OXCT1: variants seen among roughly 807,000 people sequenced by gnomAD.
OXCT1 encodes the protein succinyl-CoA:3-ketoacid coenzyme A transferase 1, mitochondrial.
In OXCT1, 27 loss-of-function variants were observed where a neutral mutation model predicts 69.6. The ratio of observed to expected loss-of-function variants is 0.39; its 90% CI spans 0.29 to 0.54. OXCT1 has a LOEUF of 0.54. OXCT1 is among the 20% of genes least tolerant of loss of function. The pLI is 0.72. For synonymous variants in OXCT1, 202 were observed against 217.8 expected (o/e 0.93, Z 0.64); for missense variants, 437 against 650.2 (o/e 0.67, Z 3.57).
At chr5:41,758,328 G>T (rs1365855327) in intron 14 of OXCT1, among the ~76,000 whole-genome samples, 1 of 152,100 alleles carries the variant, frequency 6.6e-6, no homozygotes, top group East Asian at 1.9e-4. Flanking sequence ...CAACCAGGTG[G>T]AGTTGTGTAA....
intron 7 of OXCT1, among the ~76,000 whole-genome samples, chr5:41,829,018 A>G (rs966936043): frequency 1.3e-5 from 2 of 151,574 alleles, no homozygotes; most frequent in African/African-American, 4.8e-5. Context: ...TATTACAGAG[A>G]AAAAAAAATG....
At chr5:41,770,864 A>G (rs1187301600) in intron 13 of OXCT1, among the ~76,000 whole-genome samples, 1 of 152,210 alleles carries the variant, frequency 6.6e-6, no homozygotes, top group Non-Finnish European at 1.5e-5. Context: ...TTCTGACTCC[A>G]GGCAGAATAT....
At position 41,862,804 on chromosome 5, in the gene OXCT1, T is replaced by C; in HGVS notation, c.79-54A>G. 2.9e-6 allele frequency: 3 copies of C among 1,038,090 alleles called. 1 individual carries two copies. In the South Asian group the frequency reaches 3.9e-5, roughly 13 times the overall value. 64.3% of individuals were successfully genotyped at this position (1,038,090 alleles called of 1,614,324 possible). On this transcript the variant is annotated intron_variant, in intron 1 of 16. Transcript: ENST00000196371. ...ATCATTTGGAGATACAGCTTTACTT[T>C]GTGTGTGTAGCAATTTATTCAATTG...
At chr5:41,817,091 T>A (rs968885350) in intron 7 of OXCT1, among the ~76,000 whole-genome samples, 5 of 152,244 alleles carry the variant, frequency 3.3e-5, no homozygotes, top group Middle Eastern at 3.4e-3. Context: ...CAACACCATA[T>A]TTGAAAACTT....
At chr5:41,862,802 T>A (rs1261349697) in intron 1 of OXCT1, 52 bp from the exon 2 acceptor site, 1 of 1,043,256 alleles carries the variant, frequency 9.6e-7, no homozygotes, top group East Asian at 2.4e-5. Flanking sequence ...ACAGCTTTAC[T>A]TTGTGTGTGT....
chr5:41,794,553 C>A (rs887766586), intron 12 of OXCT1, 124 bp downstream of exon 12: 10 of 861,116 alleles, frequency 1.2e-5, no homozygotes, highest in Non-Finnish European at 1.9e-5. Flanking sequence ...TGCAGCCGAA[C>A]AAACTCCTGA....
chr5:41,780,614 T>C (rs1442833005), intron 13 of OXCT1, among the ~76,000 whole-genome samples: 1 of 152,118 alleles, frequency 6.6e-6, no homozygotes, highest in Non-Finnish European at 1.5e-5. Context: ...TTATTATAGC[T>C]GATAAGAAAA....
At chr5:41,755,530 T>C (rs1409683210) in intron 14 of OXCT1, among the ~76,000 whole-genome samples, 8 of 152,142 alleles carry the variant, frequency 5.3e-5, no homozygotes, top group Non-Finnish European at 1.2e-4. Flanking sequence ...TACTTTTCAA[T>C]GTTGCTGAAA....
At chr5:41,786,387 TC>T (rs1490770390) in intron 13 of OXCT1, among the ~76,000 whole-genome samples, 1 of 152,156 alleles carries the variant, frequency 6.6e-6, no homozygotes, top group Non-Finnish European at 1.5e-5. Context: ...TGAATTTTGA[TC>T]CTGGTGGGTG....
intron 16 of OXCT1, among the ~76,000 whole-genome samples, chr5:41,735,126 A>G (rs991864788): frequency 2.0e-5 from 3 of 152,228 alleles, no homozygotes; most frequent in African/African-American, 4.8e-5. Flanking sequence ...GCAGAATGTC[A>G]AAGAGATATT....
At chr5:41,859,889 AATATAT>A (rs113518106) in intron 3 of OXCT1, among the ~76,000 whole-genome samples, 1 of 88,660 alleles carries the variant, frequency 1.1e-5, no homozygotes, top group African/African-American at 3.4e-5. Flanking sequence ...ATATATATGT[AATATAT>A]ATATATATAT....
At chr5:41,757,686 A>G (rs1744148960) in intron 14 of OXCT1, among the ~76,000 whole-genome samples, 1 of 152,132 alleles carries the variant, frequency 6.6e-6, no homozygotes, top group Admixed American at 6.6e-5. Context: ...AGAAGGAACT[A>G]AACCAGCAAA....
At chr5:41,826,163 T>C (rs11747881) in intron 7 of OXCT1, among the ~76,000 whole-genome samples, 27,795 of 152,192 alleles carry the variant, frequency 0.18, 2,747 homozygotes, top group Middle Eastern at 0.29. Context: ...GGTATCAGCA[T>C]GTTTAAGTTG....
At chr5:41,795,131 G>C (rs1256806042) in intron 11 of OXCT1, among the ~76,000 whole-genome samples, 2 of 152,162 alleles carry the variant, frequency 1.3e-5, no homozygotes, top group African/African-American at 2.4e-5. Context: ...TCAAGCATTA[G>C]GTTATCATAA....
chr5:41,736,325 C>A (rs986179984), intron 16 of OXCT1, among the ~76,000 whole-genome samples: 2 of 152,210 alleles, frequency 1.3e-5, no homozygotes, highest in African/African-American at 4.8e-5. Flanking sequence ...ACATATATGA[C>A]CTTCAAGATA....
intron 5 of OXCT1, among the ~76,000 whole-genome samples, chr5:41,849,200 C>A (rs10069904): frequency 0.023 from 3,511 of 152,200 alleles, 134 homozygotes; most frequent in African/African-American, 0.08. Flanking sequence ...TCCCTCTGAT[C>A]GTTCCTAGGA....
At position 41,779,502 on chromosome 5, in the gene OXCT1, C is replaced by T. The variant is rs180757751; in HGVS notation, c.1248+14501G>A. 9.8e-4 allele frequency among the ~76,000 whole-genome samples: 149 copies of T among 152,044 alleles called. 1 individual carries two copies. Among genetic ancestry groups the T allele is most frequent in the Non-Finnish European group, 8.8e-5 (6 of 67,956 alleles). On this transcript the variant is annotated intron_variant, in intron 13 of 16. Coordinates refer to ENST00000196371, the MANE Select transcript of OXCT1 (RefSeq NM_000436.4). The stretch of plus-strand genomic sequence containing the variant: ...GTTTTCTGGACCATACTGTATTAGA[C>T]CAACAGAGAGAAAGTAATCTGTATA...
intron 4 of OXCT1, among the ~76,000 whole-genome samples, chr5:41,852,602 G>A (rs1165935971): frequency 1.3e-5 from 2 of 152,172 alleles, no homozygotes; most frequent in African/African-American, 2.4e-5. Context: ...CATAGAAAAT[G>A]AGTGAAAAGT....
At chr5:41,758,451 C>T (rs1006128737) in intron 14 of OXCT1, among the ~76,000 whole-genome samples, 6 of 152,014 alleles carry the variant, frequency 3.9e-5, no homozygotes, top group African/African-American at 1.2e-4. Context: ...CAGATGGCAC[C>T]TTAGAAGGCT....
Sources: gnomAD v4.1 joint callset for allele counts (sites outside exome capture counted in the v4.1 genomes callset) on GRCh38, gnomAD v4.1.1 for gene constraint, MANE v1.5 for transcripts, NCBI Gene and HGNC (gene_info 2026-07-23, HGNC 2026-07-21) for gene names.